CBX5: variants seen among roughly 807,000 people sequenced by gnomAD.
CBX5 encodes the protein chromobox protein homolog 5.
CBX5 carries 7 observed loss-of-function variants against 20.7 expected under a neutral mutation model. That is an observed-to-expected ratio of 0.34 (90% CI 0.19 to 0.63). The LOEUF is 0.63. Among genes scored for constraint, CBX5 ranks in the 30% least tolerant of loss-of-function variants. CBX5 has a pLI of 0.75. For synonymous variants in CBX5, 78 were observed against 77.0 expected, an observed-to-expected ratio of 1.01 and a Z score of -0.07; for missense variants, 110 against 224.1, an observed-to-expected ratio of 0.49 and a Z score of 3.25.
chr12:54,254,270 G>A (rs1211901066), intron 2 of CBX5, among the ~76,000 whole-genome samples: 1 of 140,734 alleles, frequency 7.1e-6, no homozygotes, highest in Non-Finnish European at 1.5e-5. Flanking sequence ...GCAGGAGGTT[G>A]TGGTGAGCTG....
chr12:54,279,622 C>T (rs1359948645), intron 1 of CBX5, among the ~76,000 whole-genome samples: 1 of 152,164 alleles, frequency 6.6e-6, no homozygotes, highest in Non-Finnish European at 1.5e-5. Context: ...ACCGCCCGAT[C>T]CCGCATTCCC....
chr12:54,235,480 GGCCGGCGCCTGTAGTCCCA>G lies in CBX5; in HGVS notation c.*6256_*6274del, dbSNP rs1342674404. The G allele has an allele frequency of 2.0e-5, 3 of 152,360 alleles. No homozygotes were observed. Among genetic ancestry groups the G allele is most frequent in the Admixed American group, 2.0e-4 (3 of 15,268 alleles). 9.4% of individuals were successfully genotyped at this position (152,360 alleles called of 1,614,324 possible). A position where few individuals can be genotyped will look rare whatever the true frequency, so the allele number is the denominator to read the frequency against. ...ATACAAAAAATTAGCCGGGCGTGGTGGCCGGCGCCTGTAGTCCCAGCTCCTCGGGAGGCTGAGGCAGGAG... is the reference window on the plus strand; with the variant it reads ...ATACAAAAAATTAGCCGGGCGTGGTGGCTCCTCGGGAGGCTGAGGCAGGAG... On this transcript the variant is annotated 3_prime_UTR_variant, in exon 5 of 5. Transcript: ENST00000209875.
intron 1 of CBX5, among the ~76,000 whole-genome samples, chr12:54,266,127 GGCT>G (rs1197032359): frequency 6.6e-6 from 1 of 150,750 alleles, no homozygotes; most frequent in African/African-American, 2.4e-5. Context: ...AGATAAAAAC[GGCT>G]GCGTGCGGTG....
chr12:54,237,730 C>A lies in CBX5; in HGVS notation c.*4025G>T. 6.0e-6 allele frequency: 1 copy of A among 167,600 alleles called. No homozygotes were observed. 10.4% of individuals were successfully genotyped at this position (167,600 alleles called of 1,614,324 possible). On this transcript the variant is annotated 3_prime_UTR_variant, in exon 5 of 5. Transcript: ENST00000209875. ...CCAGGGCTTTTCTCATCCTGCCTTC[C>A]CATCACCTGACCCTCCTCTGAAACC...
intron 1 of CBX5, among the ~76,000 whole-genome samples, chr12:54,265,196 ACT>A (rs760454772): frequency 6.6e-6 from 1 of 152,230 alleles, no homozygotes; most frequent in Non-Finnish European, 1.5e-5. Context: ...CAGCTACAGC[ACT>A]GTCTTCAAAG....
intron 1 of CBX5, among the ~76,000 whole-genome samples, chr12:54,270,899 A>G (rs1944002781): frequency 3.9e-5 from 6 of 152,122 alleles, no homozygotes; most frequent in Non-Finnish European, 1.5e-5. Context: ...AAAAAAAGAA[A>G]AAAGGGTGGG....
chr12:54,277,645 T>C (rs951309238), intron 1 of CBX5, among the ~76,000 whole-genome samples: 1 of 152,168 alleles, frequency 6.6e-6, no homozygotes, highest in Non-Finnish European at 1.5e-5. Flanking sequence ...GACCAAGTGG[T>C]AAAAATTTTA....
intron 1 of CBX5, among the ~76,000 whole-genome samples, chr12:54,264,986 A>G (rs1943944022): frequency 6.6e-6 from 1 of 152,240 alleles, no homozygotes; most frequent in Non-Finnish European, 1.5e-5. Context: ...TAAATTCTAT[A>G]AGCCCCCTAA....
chr12:54,233,595 C>G lies in CBX5; in HGVS notation c.*8160G>C, dbSNP rs1412283819. ...AGCCAGTGTAGGAAGTCCCCACATA[C>G]AACAGAAACTCAAAAGATGATTTAT... On this transcript the variant is annotated 3_prime_UTR_variant, in exon 5 of 5. Transcript: ENST00000209875. The G allele has an allele frequency of 6.6e-6, 1 of 152,198 alleles. No individual in the cohort carries two copies. Among genetic ancestry groups the G allele is most frequent in the African/African-American group, 2.4e-5 (1 of 41,444 alleles). The allele number at this position is 152,198 out of a possible 1,614,324, so 9.4% of individuals were successfully genotyped here. A position where few individuals can be genotyped will look rare whatever the true frequency, so the allele number is the denominator to read the frequency against.
rs773118070 is a variant in CBX5 at position 54,241,572 on chromosome 12, T to C, written c.*183A>G. On this transcript the variant is annotated 3_prime_UTR_variant, in exon 5 of 5. Transcript: ENST00000209875. ...CCTGGTCTTCACAGAGAGACACTTATCATTAATCAGACCATCAGTTATGTT... is the reference window on the plus strand; with the variant it reads ...CCTGGTCTTCACAGAGAGACACTTACCATTAATCAGACCATCAGTTATGTT... The C allele has an allele frequency of 8.5e-6, 5 of 587,870 alleles. No homozygotes were observed. The highest frequency in any genetic ancestry group is 1.2e-5 in the Non-Finnish European group (4 of 339,658). 36.4% of individuals were successfully genotyped at this position (587,870 alleles called of 1,614,324 possible).
At chr12:54,269,134 C>T in intron 1 of CBX5, among the ~76,000 whole-genome samples, 1 of 151,990 alleles carries the variant, frequency 6.6e-6, no homozygotes. Flanking sequence ...GTGGCACGTG[C>T]CTGTAGTCCC....
intron 2 of CBX5, among the ~76,000 whole-genome samples, chr12:54,254,657 A>T (rs940022691): frequency 6.6e-6 from 1 of 152,124 alleles, no homozygotes; most frequent in Non-Finnish European, 1.5e-5. Flanking sequence ...GGTCGAGACC[A>T]TCCTGGCCAA....
rs1423598637 is a variant in CBX5, at chr12:54,241,137, G to A, written c.*618C>T. ...AGTGTAAAATTTCAAATCTTCCAAA[G>A]GATGGAGTAATTCTGGGAGGATGAG... On this transcript the variant is annotated 3_prime_UTR_variant, in exon 5 of 5. Transcript: ENST00000209875. 1 of 152,164 alleles carries A rather than the reference G, an allele frequency of 6.6e-6. No individual in the cohort carries two copies. Among genetic ancestry groups the A allele is most frequent in the Non-Finnish European group, 1.5e-5 (1 of 68,036 alleles). 9.4% of individuals were successfully genotyped at this position (152,164 alleles called of 1,614,324 possible). A position where few individuals can be genotyped will look rare whatever the true frequency, so the allele number is the denominator to read the frequency against.
chr12:54,276,210 T>C (rs924302811), intron 1 of CBX5, among the ~76,000 whole-genome samples: 9 of 152,260 alleles, frequency 5.9e-5, no homozygotes, highest in Middle Eastern at 3.4e-3. Flanking sequence ...TCTGTTTACA[T>C]AGATACTCCT....
chr12:54,269,814 G>C (rs1943992868), intron 1 of CBX5, among the ~76,000 whole-genome samples: 1 of 152,028 alleles, frequency 6.6e-6, no homozygotes, highest in South Asian at 2.1e-4. Flanking sequence ...ATGTTTCCTG[G>C]GCTGGTCTTG....
Position 54,251,148 on chromosome 12 carries a change from G to A in CBX5, c.324+893C>T, listed in dbSNP as rs530619214. ...TCTGTCTCCAAAAAAAAAGAAAAAA[G>A]GAAGTGAAATGGTAAACATTTCAAA... On this transcript the variant is annotated intron_variant, in intron 3 of 4. Transcript: ENST00000209875. Among the ~76,000 whole-genome samples, 114 of 149,642 alleles carry A rather than the reference G, an allele frequency of 7.6e-4. 1 individual carries two copies. Among genetic ancestry groups the A allele is most frequent in the African/African-American group, 2.8e-3 (112 of 40,668 alleles).
intron 1 of CBX5, among the ~76,000 whole-genome samples, chr12:54,265,241 AACAG>A (rs1477170828): frequency 6.6e-6 from 1 of 152,248 alleles, no homozygotes; most frequent in Non-Finnish European, 1.5e-5. Context: ...CAGCAAATAA[AACAG>A]ATGAAAATAA....
At chr12:54,252,497 G>A (rs959791332) in intron 2 of CBX5, 1 of 346,016 alleles carries the variant, frequency 2.9e-6, no homozygotes, top group Non-Finnish European at 5.1e-6. Context: ...TCAATGGATG[G>A]TGACATGGAA....
chr12:54,251,030 C>G (rs1189324946), intron 3 of CBX5, among the ~76,000 whole-genome samples: 1 of 151,248 alleles, frequency 6.6e-6, no homozygotes, highest in African/African-American at 2.4e-5. Context: ...ACTTGGGAGG[C>G]TGAGGCAGGA....
Sources: allele counts gnomAD v4.1 joint callset (sites outside exome capture counted in the v4.1 genomes callset), GRCh38; gene constraint gnomAD v4.1.1; transcripts MANE v1.5; gene names NCBI Gene and HGNC (gene_info 2026-07-23, HGNC 2026-07-21).